Variants in KIF26B observed in about 807,000 individuals in gnomAD.
KIF26B encodes kinesin-like protein KIF26B.
KIF26B carries 63 observed loss-of-function variants against 151.2 expected under a neutral mutation model. The observed-to-expected ratio is 0.42, with a 90% confidence interval of 0.34 to 0.51. KIF26B has a LOEUF of 0.51. KIF26B is among the 20% of genes least tolerant of loss of function. The pLI is 0.07. For synonymous variants in KIF26B, 1,357 were observed against 1,262.1 expected, an observed-to-expected ratio of 1.08 and a Z score of -1.59; for missense variants, 2,813 against 2,913.6, an observed-to-expected ratio of 0.97 and a Z score of 0.79.
intron 10 of KIF26B, among the ~76,000 whole-genome samples, chr1:245,656,322 C>A (rs537483959): frequency 6.6e-6 from 1 of 152,340 alleles, no homozygotes; most frequent in South Asian, 2.1e-4. Flanking sequence ...TCACGCTCAT[C>A]TGTGTCTTCC....
At chr1:245,666,737 CAAATGG>C (rs972289115) in intron 10 of KIF26B, among the ~76,000 whole-genome samples, 1 of 151,840 alleles carries the variant, frequency 6.6e-6, no homozygotes, top group Admixed American at 6.6e-5. Flanking sequence ...TTGTCCGTAC[CAAATGG>C]TACGGACAAG....
intron 3 of KIF26B, among the ~76,000 whole-genome samples, chr1:245,390,177 T>C (rs1457337217): frequency 5.3e-5 from 6 of 113,820 alleles, no homozygotes; most frequent in Non-Finnish European, 1.0e-4. Context: ...TTTGGAGGGT[T>C]TTTTTTTTTT....
At chr1:245,283,166 C>T (rs568159332) in intron 2 of KIF26B, 36 of 158,946 alleles carry the variant, frequency 2.3e-4, no homozygotes, top group Admixed American at 4.5e-4. Flanking sequence ...AAAAACAACA[C>T]GCCTTTACCG....
At chr1:245,546,147 G>A (rs553295468) in intron 5 of KIF26B, among the ~76,000 whole-genome samples, 13 of 152,318 alleles carry the variant, frequency 8.5e-5, no homozygotes, top group Admixed American at 7.8e-4. Context: ...AGAGGAAGAG[G>A]AGAACAAGAT....
At chr1:245,593,521 A>G (rs1458283703) in intron 5 of KIF26B, among the ~76,000 whole-genome samples, 2 of 152,178 alleles carry the variant, frequency 1.3e-5, no homozygotes, top group African/African-American at 4.8e-5. Context: ...TTATGGCTGC[A>G]TAGTATTCCA....
Position 245,233,468 on chromosome 1 carries a change from G to C in KIF26B, c.465+76785G>C, listed in dbSNP as rs551025387. ...GTGGAAAGATATTACCTGGGTACTT[G>C]TTAGAAAATGCAGAATTCCAGTCCC... On this transcript the variant is annotated intron_variant, in intron 2 of 14. Transcript: ENST00000407071. Among the ~76,000 whole-genome samples the C allele has an allele frequency of 9.3e-4, 142 of 152,290 alleles. 1 individual carries two copies. The highest frequency in any genetic ancestry group is 3.2e-3 in the African/African-American group (135 of 41,558).
At chr1:245,489,238 A>G (rs1660346566) in intron 4 of KIF26B, among the ~76,000 whole-genome samples, 1 of 152,330 alleles carries the variant, frequency 6.6e-6, no homozygotes, top group South Asian at 2.1e-4. Flanking sequence ...CCTAAGGAGA[A>G]CTCAGACATC....
At chr1:245,559,701 C>A (rs575340383) in intron 5 of KIF26B, among the ~76,000 whole-genome samples, 2 of 152,268 alleles carry the variant, frequency 1.3e-5, no homozygotes, top group South Asian at 4.1e-4. Context: ...CGTGAGCCAC[C>A]GTGCCCAGCC....
intron 10 of KIF26B, among the ~76,000 whole-genome samples, chr1:245,661,182 T>C (rs2044133719): frequency 6.6e-6 from 1 of 151,894 alleles, no homozygotes; most frequent in Non-Finnish European, 1.5e-5. Flanking sequence ...AGATGGGGTT[T>C]TGCATGTTGC....
chr1:245,480,997 C>A (rs993442508), intron 4 of KIF26B, among the ~76,000 whole-genome samples: 2 of 119,112 alleles, frequency 1.7e-5, no homozygotes, highest in Admixed American at 1.7e-4. Context: ...GTTTTATCTA[C>A]AATTATATTA....
intron 4 of KIF26B, among the ~76,000 whole-genome samples, chr1:245,491,001 G>A (rs71636557): frequency 0.034 from 5,129 of 152,234 alleles, 133 homozygotes; most frequent in Non-Finnish European, 0.05. Flanking sequence ...GAGCCTCACA[G>A]TGCTTCATTT....
Position 245,609,461 on chromosome 1 carries a change from C to T in KIF26B, c.1847C>T (p.Thr616Met), listed in dbSNP as rs199976583. Residue 616 changes from threonine to methionine, a missense_variant, in exon 8 of 15, where the codon ACG becomes ATG. Thr to Met is a moderately conservative substitution (Grantham distance 81, BLOSUM62 -1). Coordinates refer to ENST00000407071, the MANE Select transcript of KIF26B (RefSeq NM_018012.4). ...CGGGACCTGCTGTCGGAGGTGGCCA[C>T]GGGCAGCCTGCAGGACGGCCAGTCC... ...NLRDLLSEVATGSLQDGQSPG... is the reference protein window; with the variant it reads ...NLRDLLSEVAMGSLQDGQSPG... The T allele has an allele frequency of 1.5e-4, 238 of 1,603,684 alleles. 1 individual carries two copies. The highest frequency in any genetic ancestry group is 1.0e-3 in the African/African-American group (75 of 74,902).
rs1173731211 is a variant in KIF26B, at chr1:245,218,628, C to T, written c.465+61945C>T. ...GTGACCCCAGGAGCTCTGCAGTGTG[C>T]CGCATGGAATCGCCTAAGATGGGAC... On this transcript the variant is annotated intron_variant, in intron 2 of 14. Coordinates refer to ENST00000407071, the MANE Select transcript of KIF26B (RefSeq NM_018012.4). The surrounding 1 kb of genome is among the most constrained non-coding windows in gnomAD (Gnocchi z 4.1). 6.6e-6 allele frequency among the ~76,000 whole-genome samples: 1 copy of T among 152,168 alleles called. No individual in the cohort carries two copies. The highest frequency in any genetic ancestry group is 1.5e-5 in the Non-Finnish European group (1 of 68,034).
intron 14 of KIF26B, among the ~76,000 whole-genome samples, chr1:245,699,504 A>G (rs916804137): frequency 2.0e-5 from 3 of 152,148 alleles, no homozygotes; most frequent in African/African-American, 7.2e-5. Flanking sequence ...GAAAAAAAAA[A>G]AAAAAGACAG....
At chr1:245,156,712 G>A in intron 2 of KIF26B, 29 bp downstream of exon 2, 3 of 1,374,840 alleles carry the variant, frequency 2.2e-6, no homozygotes, top group Non-Finnish European at 2.8e-6. Flanking sequence ...TGGCTGGGGA[G>A]GCGCCGGGAG....
intron 5 of KIF26B, among the ~76,000 whole-genome samples, chr1:245,559,079 G>A (rs1035742766): frequency 6.6e-6 from 1 of 152,214 alleles, no homozygotes. Context: ...AGGCACAGTA[G>A]CTCATGTCTG....
chr1:245,176,999 C>A (rs79843942), intron 2 of KIF26B, among the ~76,000 whole-genome samples: 14,263 of 152,126 alleles, frequency 0.094, 858 homozygotes, highest in African/African-American at 0.17. Flanking sequence ...TCTGTCGCCT[C>A]GACTGGAGTG....
intron 5 of KIF26B, among the ~76,000 whole-genome samples, chr1:245,600,022 A>C (rs2043375275): frequency 6.6e-6 from 1 of 151,406 alleles, no homozygotes; most frequent in Non-Finnish European, 1.5e-5. Context: ...CAGGGCAAGG[A>C]GTTCTAAAAC....
chr1:245,704,060 T>C lies in KIF26B; in HGVS notation c.*1454T>C, dbSNP rs939543247. On this transcript the variant is annotated 3_prime_UTR_variant, in exon 15 of 15. Transcript: ENST00000407071. Reference sequence around the variant, plus strand: ...GAATTATGATACCCATTTTAGTGATTGATAGAAACCTGGGGTACAGAGTGG... The same window carrying C: ...GAATTATGATACCCATTTTAGTGATCGATAGAAACCTGGGGTACAGAGTGG... 1.3e-5 allele frequency: 2 copies of C among 151,874 alleles called. No individual in the cohort carries two copies. Among genetic ancestry groups the C allele is most frequent in the African/African-American group, 4.8e-5 (2 of 41,314 alleles). The allele number at this position is 151,874 out of a possible 1,614,324, so 9.4% of individuals were successfully genotyped here.
Sources: allele counts gnomAD v4.1 joint callset (sites outside exome capture counted in the v4.1 genomes callset), GRCh38; gene constraint gnomAD v4.1.1; non-coding constraint Gnocchi (gnomAD v3.1); transcripts MANE v1.5; gene names NCBI Gene and HGNC (gene_info 2026-07-23, HGNC 2026-07-21).